The following ATIC variants were observed in gnomAD, a reference collection of about 807,000 sequenced individuals.
The protein encoded by ATIC is bifunctional purine biosynthesis protein ATIC.
In ATIC, 64 loss-of-function variants were observed where a neutral mutation model predicts 72.5. That is an observed-to-expected ratio of 0.88 (90% confidence interval 0.72 to 1.09). The LOEUF is 1.09. Among genes scored for constraint, ATIC ranks in the 50% least tolerant of loss-of-function variants. The pLI is 0.00. For missense variants in ATIC, 787 were observed against 732.4 expected, an observed-to-expected ratio of 1.07 and a Z score of -0.86; for synonymous variants, 281 against 267.1, an observed-to-expected ratio of 1.05 and a Z score of -0.51.
rs538280049 is a variant in ATIC at position 215,326,972 on chromosome 2, A to G, written c.682A>G (p.Ile228Val). ...QLYTLQPKLP[I>V]TVLNGAPGFI... ...GTACACACTGCAGCCCAAGCTTCCCATCACAGGTAAAGCCCGAGCGTTCTG... is the reference window on the plus strand; with the variant it reads ...GTACACACTGCAGCCCAAGCTTCCCGTCACAGGTAAAGCCCGAGCGTTCTG... The change falls in exon 7 of 16, where the codon ATC (isoleucine) becomes GTC (valine). Residue 228 changes from isoleucine to valine, a missense_variant. By Grantham distance (29) the Ile-to-Val change is conservative. Transcript: ENST00000236959. The G allele has an allele frequency of 1.2e-6, 2 of 1,614,156 alleles. No individual in the cohort carries two copies. Among genetic ancestry groups the G allele is most frequent in the Non-Finnish European group, 1.7e-6 (2 of 1,180,028 alleles).
chr2:215,361,682 G>GA, the ATIC span: 2,726 of 1,310,952 alleles, frequency 2.1e-3, no homozygotes, highest in Non-Finnish European at 2.5e-3. Flanking sequence ...AAAGTGTACA[G>GA]AAAAAAAAAT....
At chr2:215,316,748 T>C (rs530043059) in intron 2 of ATIC, among the ~76,000 whole-genome samples, 24 of 152,300 alleles carry the variant, frequency 1.6e-4, no homozygotes, top group African/African-American at 5.5e-4. Context: ...TGCTTCCTGC[T>C]TTATTTATTT....
chr2:215,327,643 G>A (rs1417153992), intron 7 of ATIC, among the ~76,000 whole-genome samples: 1 of 152,162 alleles, frequency 6.6e-6, no homozygotes, highest in African/African-American at 2.4e-5. Flanking sequence ...AGGGACAGAG[G>A]TGAGAGTCCC....
At chr2:215,358,697 G>T in the ATIC span, among the ~76,000 whole-genome samples, 1 of 152,158 alleles carries the variant, frequency 6.6e-6, no homozygotes, top group Non-Finnish European at 1.5e-5. Context: ...TGTTTAATTT[G>T]CTATTCGTTT....
the ATIC span, among the ~76,000 whole-genome samples, chr2:215,358,157 TAC>T: frequency 1.3e-5 from 2 of 152,342 alleles, no homozygotes; most frequent in South Asian, 2.1e-4. Context: ...GATGTTATTA[TAC>T]AGACTTATTT....
chr2:215,365,083 T>C, the ATIC span: 1 of 784,508 alleles, frequency 1.3e-6, no homozygotes, highest in Non-Finnish European at 2.2e-6. Flanking sequence ...ATTTGTATCA[T>C]CACAGCGCAA....
chr2:215,317,572 A>G (rs1481478459), intron 2 of ATIC, among the ~76,000 whole-genome samples: 3 of 151,972 alleles, frequency 2.0e-5, no homozygotes, highest in Non-Finnish European at 4.4e-5. Flanking sequence ...TGCGACCTCC[A>G]ACTCTTGGGT....
chr2:215,338,138 TA>T (rs990625614), intron 11 of ATIC, among the ~76,000 whole-genome samples: 4 of 152,156 alleles, frequency 2.6e-5, no homozygotes, highest in Admixed American at 1.3e-4. Flanking sequence ...GTGTCAAGTT[TA>T]AAAAAATATC....
chr2:215,325,933 G>T, intron 5 of ATIC, 54 bp from the exon 6 acceptor site: 2 of 1,595,594 alleles, frequency 1.3e-6, no homozygotes, highest in Non-Finnish European at 1.7e-6. Context: ...TTTAAAAGCG[G>T]TTCATAAGCT....
chr2:215,354,174 G>A (rs996521394), downstream of ATIC, among the ~76,000 whole-genome samples: 18 of 151,850 alleles, frequency 1.2e-4, no homozygotes, highest in African/African-American at 3.6e-4. Flanking sequence ...GACCACAGGT[G>A]TGCACCACCA....
intron 7 of ATIC, among the ~76,000 whole-genome samples, chr2:215,330,029 T>C (rs2052873616): frequency 6.6e-6 from 1 of 152,176 alleles, no homozygotes; most frequent in Non-Finnish European, 1.5e-5. Context: ...CCCAAAGTGT[T>C]GGGGATTACA....
chr2:215,355,298 CAA>C, the ATIC span, among the ~76,000 whole-genome samples: 3 of 152,096 alleles, frequency 2.0e-5, no homozygotes, highest in South Asian at 6.2e-4. Flanking sequence ...TTCGAAACGT[CAA>C]GAGTGGAGTT....
chr2:215,345,310 A>G (rs1035929170), intron 13 of ATIC: 3 of 249,408 alleles, frequency 1.2e-5, no homozygotes, highest in African/African-American at 6.8e-5. Flanking sequence ...GAGTAGAAAG[A>G]CTGCTAGACT....
intron 2 of ATIC, among the ~76,000 whole-genome samples, 166 bp downstream of exon 2, chr2:215,312,790 G>T (rs1367932110): frequency 6.6e-6 from 1 of 152,170 alleles, no homozygotes; most frequent in Non-Finnish European, 1.5e-5. Context: ...GGCTCAGAGA[G>T]ATTTAGCAAC....
At chr2:215,322,897 T>C (rs62204762) in intron 4 of ATIC, among the ~76,000 whole-genome samples, 31,174 of 152,018 alleles carry the variant, frequency 0.21, 3,548 homozygotes, top group East Asian at 0.5. Context: ...AATCAGCAAG[T>C]GTGAGTCCTC....
chr2:215,340,806 A>G (rs2053011096), intron 12 of ATIC, among the ~76,000 whole-genome samples: 2 of 152,330 alleles, frequency 1.3e-5, no homozygotes, highest in South Asian at 4.1e-4. Flanking sequence ...AGTTGTGCTC[A>G]GCCAATTTAC....
intron 11 of ATIC, among the ~76,000 whole-genome samples, chr2:215,337,377 A>T (rs2052967761): frequency 6.6e-6 from 1 of 151,044 alleles, no homozygotes; most frequent in African/African-American, 2.4e-5. Context: ...GTTAATACTT[A>T]TTTTTTTTTA....
rs2052951460 is a variant in ATIC, at chr2:215,336,099, A to G, written c.1073A>G (p.Lys358Arg). The G allele has an allele frequency of 6.2e-7, 1 of 1,613,100 alleles. No homozygotes were observed. Among genetic ancestry groups the G allele is most frequent in the Non-Finnish European group, 8.5e-7 (1 of 1,179,220 alleles). Residue 358 changes from lysine to arginine, a missense_variant, in exon 11 of 16, where the codon AAA becomes AGA. Physicochemically the swap from Lys to Arg is conservative, Grantham distance 26 (BLOSUM62 2). Coordinates refer to ENST00000236959, the MANE Select transcript of ATIC (RefSeq NM_004044.7). ...GCCTTGACAATACTTTCCAAAAAGA[A>G]AAATGGAAACTATTGTGTCCTTCAG... ...EEALTILSKKKNGNYCVLQMD... is the reference protein window; with the variant it reads ...EEALTILSKKRNGNYCVLQMD...
chr2:215,350,825 A>G (rs986347536), downstream of ATIC, among the ~76,000 whole-genome samples: 1 of 152,184 alleles, frequency 6.6e-6, no homozygotes, highest in African/African-American at 2.4e-5. Flanking sequence ...CCTGTGTTCA[A>G]CTAAAACCCT....
Sources: gnomAD v4.1 joint callset for allele counts (sites outside exome capture counted in the v4.1 genomes callset) on GRCh38, gnomAD v4.1.1 for gene constraint, MANE v1.5 for transcripts, NCBI Gene and HGNC (gene_info 2026-07-23, HGNC 2026-07-21) for gene names.